SERBP1: variants seen among roughly 807,000 people sequenced by gnomAD.
SERBP1 encodes the protein SERPINE1 mRNA-binding protein 1.
In SERBP1, 6 loss-of-function variants were observed where a neutral mutation model predicts 50.2. That is an observed-to-expected ratio of 0.12 (90% CI 0.07 to 0.24). SERBP1 has a LOEUF of 0.24. SERBP1 is among the 10% of genes least tolerant of loss of function. The pLI is 1.00. For synonymous variants in SERBP1, 168 were observed against 182.8 expected, an observed-to-expected ratio of 0.92 and a Z score of 0.65; for missense variants, 346 against 524.9, an observed-to-expected ratio of 0.66 and a Z score of 3.33.
At chr1:67,413,986 CACA>C (rs1457221533) in intron 7 of SERBP1, among the ~76,000 whole-genome samples, 2 of 152,116 alleles carry the variant, frequency 1.3e-5, no homozygotes, top group Non-Finnish European at 2.9e-5. Context: ...GACAGGGTTT[CACA>C]ACGTTGGCCA....
chr1:67,424,420 T>TC, intron 4 of SERBP1, 143 bp from the exon 5 acceptor site: 1 of 1,077,740 alleles, frequency 9.3e-7, no homozygotes, highest in Non-Finnish European at 1.3e-6. Flanking sequence ...ATTCTCTAAC[T>TC]CCTTTCTTAC....
rs188914704 is a variant in SERBP1 at position 67,410,109 on chromosome 1, C to T, written c.*3098G>A. 4 of 152,270 alleles carry T rather than the reference C, an allele frequency of 2.6e-5. No homozygotes were observed. Among genetic ancestry groups the T allele is most frequent in the Non-Finnish European group, 5.9e-5 (4 of 68,020 alleles). 9.4% of individuals were successfully genotyped at this position (152,270 alleles called of 1,614,324 possible). A position where few individuals can be genotyped will look rare whatever the true frequency, so the allele number is the denominator to read the frequency against. On this transcript the variant is annotated 3_prime_UTR_variant, in exon 8 of 8. Coordinates refer to ENST00000361219, the MANE Select transcript of SERBP1 (RefSeq NM_001018069.2). ...ATTGGACTGGAGGTCCACTAATATA[C>T]CTGAATAATCTTACCTCTAAGGTCA...
chr1:67,416,532 T>G (rs1364329417), intron 6 of SERBP1, among the ~76,000 whole-genome samples: 1 of 152,224 alleles, frequency 6.6e-6, no homozygotes, highest in East Asian at 1.9e-4. Flanking sequence ...TTTCCTCTTT[T>G]CCTAAATACA....
chr1:67,410,249 C>G lies in SERBP1; in HGVS notation c.*2958G>C, dbSNP rs1419037102. 1 of 152,174 alleles carries G rather than the reference C, an allele frequency of 6.6e-6. No individual in the cohort carries two copies. Among genetic ancestry groups the G allele is most frequent in the African/African-American group, 2.4e-5 (1 of 41,434 alleles). 9.4% of individuals were successfully genotyped at this position (152,174 alleles called of 1,614,324 possible). A position where few individuals can be genotyped will look rare whatever the true frequency, so the allele number is the denominator to read the frequency against. ...AAAGACATGTTAGGTTGGTACAAAA[C>G]CAATTGCACCAACCTAGTATTTTCG... On this transcript the variant is annotated 3_prime_UTR_variant, in exon 8 of 8. Transcript: ENST00000361219.
At chr1:67,429,263 C>T (rs1480615442) in intron 1 of SERBP1, among the ~76,000 whole-genome samples, 2 of 152,206 alleles carry the variant, frequency 1.3e-5, no homozygotes, top group Non-Finnish European at 2.9e-5. Flanking sequence ...GAGGACGTTC[C>T]TCGGGATGTC....
chr1:67,427,711 T>C (rs1337351905), intron 1 of SERBP1, among the ~76,000 whole-genome samples: 1 of 152,214 alleles, frequency 6.6e-6, no homozygotes, highest in Non-Finnish European at 1.5e-5. Context: ...GAACAATAGT[T>C]GGCGTCCCCA....
chr1:67,411,967 A>G lies in SERBP1; in HGVS notation c.*1240T>C, dbSNP rs1666859442. Reference sequence around the variant, plus strand: ...TTTCTAATGGAGGAAGAGAGAAGAGATAATTACCACTTTCTGTGGAATACT... The same window carrying G: ...TTTCTAATGGAGGAAGAGAGAAGAGGTAATTACCACTTTCTGTGGAATACT... On this transcript the variant is annotated 3_prime_UTR_variant, in exon 8 of 8. Transcript: ENST00000361219. The G allele has an allele frequency of 1.3e-5, 2 of 152,724 alleles. No individual in the cohort carries two copies. Among genetic ancestry groups the G allele is most frequent in the South Asian group, 4.1e-4 (2 of 4,822 alleles). 9.5% of individuals were successfully genotyped at this position (152,724 alleles called of 1,614,324 possible). A position where few individuals can be genotyped will look rare whatever the true frequency, so the allele number is the denominator to read the frequency against.
chr1:67,413,513 G>A (rs1473084889), intron 7 of SERBP1, among the ~76,000 whole-genome samples: 1 of 151,980 alleles, frequency 6.6e-6, no homozygotes, highest in African/African-American at 2.4e-5. Context: ...AGCTGGGTGT[G>A]GTGGCAGGCA....
intron 6 of SERBP1, among the ~76,000 whole-genome samples, chr1:67,419,470 C>T (rs1667134701): frequency 6.6e-6 from 1 of 152,086 alleles, no homozygotes; most frequent in Non-Finnish European, 1.5e-5. Flanking sequence ...TAAGTAAAAC[C>T]CACATATACT....
At chr1:67,419,865 C>A in intron 6 of SERBP1, 144 bp downstream of exon 6, 1 of 678,922 alleles carries the variant, frequency 1.5e-6, no homozygotes, top group Admixed American at 3.1e-5. Flanking sequence ...GTTTATTTTC[C>A]TTATAAAGCA....
intron 1 of SERBP1, chr1:67,429,741 T>G (rs1452066118): frequency 7.7e-5 from 33 of 429,338 alleles, no homozygotes; most frequent in Middle Eastern, 1.2e-3. Flanking sequence ...CCGACCACGC[T>G]CCTCTGCTCA....
At chr1:67,420,369 G>A in intron 5 of SERBP1, 183 bp from the exon 6 acceptor site, 1 of 524,916 alleles carries the variant, frequency 1.9e-6, no homozygotes, top group South Asian at 3.2e-5. Flanking sequence ...GGAATTCAGT[G>A]TTTGCTAATT....
chr1:67,417,971 G>GTTTTTTTTTTTTTTTTTTTTTTTTTTTT (rs397861816), intron 6 of SERBP1, among the ~76,000 whole-genome samples: 3 of 76,804 alleles, frequency 3.9e-5, no homozygotes, highest in African/African-American at 5.5e-5. Context: ...TTAAAGTGTT[G>GTTTTTTTTTTTTTTTTTTTTTTTTTTTT]TTTTTTTTTT....
At chr1:67,427,563 T>G (rs901768342) in intron 1 of SERBP1, among the ~76,000 whole-genome samples, 1 of 152,208 alleles carries the variant, frequency 6.6e-6, no homozygotes, top group African/African-American at 2.4e-5. Flanking sequence ...GTTCATTCCC[T>G]GTAAATACTC....
Position 67,408,015 on chromosome 1 carries a change from C to T in SERBP1, c.*5192G>A, listed in dbSNP as rs896207827. The T allele has an allele frequency of 2.6e-5, 4 of 152,272 alleles. No individual in the cohort carries two copies. Among genetic ancestry groups the T allele is most frequent in the African/African-American group, 9.6e-5 (4 of 41,556 alleles). 9.4% of individuals were successfully genotyped at this position (152,272 alleles called of 1,614,324 possible). On this transcript the variant is annotated 3_prime_UTR_variant, in exon 8 of 8. Coordinates refer to ENST00000361219, the MANE Select transcript of SERBP1 (RefSeq NM_001018069.2). ...CTAAAATCTAGAACTGAATCAGCTACAACTGCAAACAAGGTGATTAGTGCA... is the reference window on the plus strand; with the variant it reads ...CTAAAATCTAGAACTGAATCAGCTATAACTGCAAACAAGGTGATTAGTGCA...
intron 6 of SERBP1, chr1:67,419,802 CA>C (rs1350688117): frequency 1.8e-6 from 1 of 552,544 alleles, no homozygotes; most frequent in Non-Finnish European, 3.2e-6. Flanking sequence ...CCACATAAAA[CA>C]TAATTACAAA....
chr1:67,428,843 C>G (rs1014631953), intron 1 of SERBP1, among the ~76,000 whole-genome samples: 3 of 151,018 alleles, frequency 2.0e-5, no homozygotes, highest in Non-Finnish European at 4.4e-5. Flanking sequence ...TAAAGAGAAA[C>G]AACTCCTTTC....
At chr1:67,428,983 CTTTT>C (rs1209033867) in intron 1 of SERBP1, among the ~76,000 whole-genome samples, 1 of 151,958 alleles carries the variant, frequency 6.6e-6, no homozygotes, top group Non-Finnish European at 1.5e-5. Context: ...ACTGCTTGCT[CTTTT>C]TTTTCATCCG....
At position 67,430,342 on chromosome 1, in the gene SERBP1, G is replaced by A. The variant is rs1570313323; in HGVS notation, c.-42C>T. ...CGCGTTCCTCCACGGATTGCAGCGG[G>A]CCGCGCCGAGCCAAGAGCGCCTGCT... On this transcript the variant is annotated 5_prime_UTR_variant, in exon 1 of 8. Coordinates refer to ENST00000361219, the MANE Select transcript of SERBP1 (RefSeq NM_001018069.2). 6.7e-7 allele frequency: 1 copy of A among 1,491,026 alleles called. No homozygotes were observed. Among genetic ancestry groups the A allele is most frequent in the Non-Finnish European group, 8.9e-7 (1 of 1,120,718 alleles). The allele number at this position is 1,491,026 out of a possible 1,614,324, so 92.4% of individuals were successfully genotyped here. A position where few individuals can be genotyped will look rare whatever the true frequency, so the allele number is the denominator to read the frequency against.
Sources: allele counts gnomAD v4.1 joint callset (sites outside exome capture counted in the v4.1 genomes callset), GRCh38; gene constraint gnomAD v4.1.1; transcripts MANE v1.5; gene names NCBI Gene and HGNC (gene_info 2026-07-23, HGNC 2026-07-21).